ENPP2: variants seen among roughly 807,000 people sequenced by gnomAD.
ENPP2 encodes the protein ectonucleotide pyrophosphatase/phosphodiesterase 2, also known as autotaxin.
Under a neutral mutation model 120.2 loss-of-function variants are expected in ENPP2, and 51 were observed. The observed-to-expected ratio is 0.42, with a 90% CI of 0.34 to 0.54. The LOEUF (loss-of-function observed/expected upper bound fraction) is 0.54, where lower values mean the gene tolerates loss of function less well. Among genes scored for constraint, ENPP2 ranks in the 20% least tolerant of loss-of-function variants. The probability of loss-of-function intolerance (pLI) is 0.04; values close to 1 mark genes in which losing one functional copy is unlikely to be tolerated. For synonymous variants in ENPP2, 365 were observed against 366.4 expected, an observed-to-expected ratio of 1.00 and a Z score of 0.04; for missense variants, 920 against 1,066.5, an observed-to-expected ratio of 0.86 and a Z score of 1.91.
At chr8:119,636,001 A>T (rs1320410780) in intron 2 of ENPP2, among the ~76,000 whole-genome samples, 1 of 152,174 alleles carries the variant, frequency 6.6e-6, no homozygotes, top group Non-Finnish European at 1.5e-5. Context: ...TCTCACTCTG[A>T]TCAATCCGAA....
intron 17 of ENPP2, 41 bp downstream of exon 17, chr8:119,583,676 T>C (rs1812906009): frequency 1.8e-6 from 2 of 1,106,660 alleles, no homozygotes; most frequent in Non-Finnish European, 2.7e-6. Flanking sequence ...ATATACTAAC[T>C]AAAGATTGTT....
chr8:119,671,258 G>A (rs1386142538), intron 1 of ENPP2, among the ~76,000 whole-genome samples: 11 of 151,964 alleles, frequency 7.2e-5, no homozygotes, highest in East Asian at 1.9e-4. Context: ...CTGAGATTGC[G>A]CCACTGCACT....
At chr8:119,607,447 G>A (rs868147338) in intron 9 of ENPP2, among the ~76,000 whole-genome samples, 4 of 152,114 alleles carry the variant, frequency 2.6e-5, no homozygotes, top group Admixed American at 6.5e-5. Context: ...AGACAGAGGC[G>A]GGAGGATCAC....
intron 8 of ENPP2, among the ~76,000 whole-genome samples, chr8:119,612,411 C>G (rs1464074721): frequency 6.6e-6 from 1 of 152,128 alleles, no homozygotes; most frequent in African/African-American, 2.4e-5. Flanking sequence ...CAAGTCAACC[C>G]CTTTTGGCCT....
At chr8:119,621,373 C>A (rs764489650) in intron 4 of ENPP2, 21 bp downstream of exon 4, 4 of 1,610,938 alleles carry the variant, frequency 2.5e-6, no homozygotes, top group Non-Finnish European at 3.4e-6. Context: ...AAAGCTCAGG[C>A]CAATCCAAAG....
chr8:119,621,265 A>T, intron 4 of ENPP2, 129 bp downstream of exon 4: 1 of 758,636 alleles, frequency 1.3e-6, no homozygotes, highest in Non-Finnish European at 2.2e-6. Flanking sequence ...ATGAGAAATT[A>T]AAAAGGACAA....
chr8:119,568,181 A>G lies in ENPP2; in HGVS notation c.2125T>C (p.Phe709Leu). ...VTNMVPMYPA[F>L]KRVWNYFQRV... ...AGGTAAATATTGGACTTACGTTTGA[A>G]AGCAGGATACATTGGAACCATATTG... The change falls in exon 22 of 25, where the codon TTC becomes CTC. Residue 709 changes from phenylalanine (F) to leucine (L), a missense_variant. Physicochemically the swap from Phe to Leu is conservative, Grantham distance 22. Transcript: ENST00000075322. The G allele has an allele frequency of 6.4e-7, 1 of 1,554,746 alleles. No homozygotes were observed. Among genetic ancestry groups the G allele is most frequent in the Non-Finnish European group, 8.9e-7 (1 of 1,127,032 alleles).
rs1269803737 is a variant in ENPP2, at chr8:119,569,401, C to T, written c.1918-31G>A. 1.9e-6 allele frequency: 3 copies of T among 1,611,638 alleles called. No individual in the cohort carries two copies. In the East Asian group the frequency reaches 6.7e-5, roughly 36 times the overall value. On this transcript the variant is annotated intron_variant, in intron 20 of 24. Coordinates refer to ENST00000075322, the MANE Select transcript of ENPP2 (RefSeq NM_001040092.3). Reference sequence around the variant, plus strand: ...CGGGAGTCAGAGGCACTCAGCAATGCCGTGGCTCTGTTACGAACGGCTGAA... The same window carrying T: ...CGGGAGTCAGAGGCACTCAGCAATGTCGTGGCTCTGTTACGAACGGCTGAA...
chr8:119,583,779 G>A lies in ENPP2; in HGVS notation c.1481C>T (p.Thr494Ile). 1.2e-6 allele frequency: 2 copies of A among 1,601,454 alleles called. No homozygotes were observed. Among genetic ancestry groups the A allele is most frequent in the Non-Finnish European group, 1.7e-6 (2 of 1,169,818 alleles). Residue 494 changes from threonine to isoleucine, a missense_variant, in exon 17 of 25, where the codon ACA becomes ATA. Physicochemically the swap from Thr to Ile is moderately conservative, Grantham distance 89 (BLOSUM62 -1). Transcript: ENST00000075322. ...AGGCACTTTAGTCTTGTACTTAAAT[G>A]TTGAGCCATAACCTACAAAAACAGT... The part of the protein sequence containing the change: ...MQTVFVGYGS[T>I]FKYKTKVPPF...
At chr8:119,572,519 A>T (rs1330516039) in intron 19 of ENPP2, 11 of 403,106 alleles carry the variant, frequency 2.7e-5, no homozygotes, top group Non-Finnish European at 5.0e-5. Flanking sequence ...TCAACGTAAC[A>T]CTCTATTCCA....
At chr8:119,602,816 G>T (rs1374099) in intron 9 of ENPP2, among the ~76,000 whole-genome samples, 77,468 of 152,040 alleles carry the variant, frequency 0.51, 20,072 homozygotes, top group South Asian at 0.7. Context: ...AATGTGGTCA[G>T]GAAAAATTAT....
intron 1 of ENPP2, among the ~76,000 whole-genome samples, chr8:119,651,573 G>A (rs1326207353): frequency 1.3e-5 from 2 of 152,154 alleles, no homozygotes; most frequent in African/African-American, 4.8e-5. Flanking sequence ...AATTTCAACT[G>A]TGTGCTGAAA....
At chr8:119,572,399 T>TC in intron 19 of ENPP2, 1 of 654,864 alleles carries the variant, frequency 1.5e-6, no homozygotes, top group Middle Eastern at 3.0e-4. Flanking sequence ...GCAGCCATGT[T>TC]CCCATACGCA....
At chr8:119,653,122 T>C (rs947987855) in intron 1 of ENPP2, among the ~76,000 whole-genome samples, 28 of 152,186 alleles carry the variant, frequency 1.8e-4, no homozygotes, top group African/African-American at 6.8e-4. Context: ...GTCTAGATTG[T>C]GTTCACCTCT....
At chr8:119,657,354 A>C (rs1239574695) in intron 1 of ENPP2, among the ~76,000 whole-genome samples, 1 of 152,228 alleles carries the variant, frequency 6.6e-6, no homozygotes, top group Non-Finnish European at 1.5e-5. Context: ...TGATTTTTAC[A>C]CCATACCATG....
chr8:119,601,000 G>A (rs952397018), intron 10 of ENPP2, among the ~76,000 whole-genome samples: 3 of 151,872 alleles, frequency 2.0e-5, no homozygotes, highest in Non-Finnish European at 4.4e-5. Flanking sequence ...ACCTGTACTC[G>A]GATCCTTGAC....
intron 19 of ENPP2, among the ~76,000 whole-genome samples, chr8:119,577,232 A>G (rs1417856563): frequency 2.0e-5 from 3 of 152,258 alleles, no homozygotes; most frequent in African/African-American, 7.2e-5. Flanking sequence ...TCTGTATAGA[A>G]GTTTAGGTTT....
intron 1 of ENPP2, among the ~76,000 whole-genome samples, chr8:119,652,457 G>T (rs543809974): frequency 6.6e-6 from 1 of 152,240 alleles, no homozygotes; most frequent in South Asian, 2.1e-4. Context: ...GTGTCCTGCA[G>T]ATTTTTTGCA....
chr8:119,577,040 A>G (rs991587918), intron 19 of ENPP2, among the ~76,000 whole-genome samples: 1 of 152,222 alleles, frequency 6.6e-6, no homozygotes, highest in Non-Finnish European at 1.5e-5. Flanking sequence ...CTATTGGAAC[A>G]TGCAGCTTTT....
Sources: allele counts gnomAD v4.1 joint callset (sites outside exome capture counted in the v4.1 genomes callset), GRCh38; gene constraint gnomAD v4.1.1; transcripts MANE v1.5; gene names NCBI Gene and HGNC (gene_info 2026-07-23, HGNC 2026-07-21).